The following TSNARE1 variants were observed in gnomAD, a reference collection of about 807,000 sequenced individuals.
TSNARE1 encodes the protein t-SNARE domain containing 1.
TSNARE1 carries 49 observed loss-of-function variants against 62.0 expected under a neutral mutation model. The ratio of observed to expected loss-of-function variants is 0.79; its 90% CI spans 0.63 to 1.00. The LOEUF is 1.00. Ranked by LOEUF, TSNARE1 falls within the 50% of genes least tolerant of loss-of-function variation. TSNARE1 has a pLI of 0.00. For synonymous variants in TSNARE1, 328 were observed against 294.4 expected, an observed-to-expected ratio of 1.11 and a Z score of -1.17; for missense variants, 755 against 700.1, an observed-to-expected ratio of 1.08 and a Z score of -0.88.
chr8:142,318,730 G>A lies in TSNARE1; in HGVS notation c.894-96C>T, dbSNP rs150344204. On this transcript the variant is annotated intron_variant, in intron 6 of 13. Coordinates refer to ENST00000524325, the MANE Select transcript of TSNARE1 (RefSeq NM_145003.5). ...CGGAGCAAGCAGGGACGCACGGGCC[G>A]AGTGGGGGAGACAGAGACAGATGGA... The A allele has an allele frequency of 7.6e-3, 8,455 of 1,106,470 alleles. 283 individuals carry two copies. Among genetic ancestry groups the A allele is most frequent in the South Asian group, 0.066 (5,117 of 77,982 alleles). The allele number at this position is 1,106,470 out of a possible 1,614,324, so 68.5% of individuals were successfully genotyped here.
chr8:142,331,049 G>A lies in TSNARE1; in HGVS notation c.824-79C>T. On this transcript the variant is annotated intron_variant, in intron 5 of 13. Coordinates refer to ENST00000524325, the MANE Select transcript of TSNARE1 (RefSeq NM_145003.5). The stretch of plus-strand genomic sequence containing the variant: ...GCTACTCCATATGGGTGGCCCCACT[G>A]CAGCCCGGGCAGGGTGAGCAGAGCC... The A allele has an allele frequency of 5.3e-6, 7 of 1,314,574 alleles. No individual in the cohort carries two copies. The South Asian group carries it at 8.5e-5, about 16-fold the overall frequency. 81.4% of individuals were successfully genotyped at this position (1,314,574 alleles called of 1,614,324 possible). A position where few individuals can be genotyped will look rare whatever the true frequency, so the allele number is the denominator to read the frequency against.
chr8:142,324,924 G>A lies in TSNARE1; in HGVS notation c.893+5977C>T, dbSNP rs577883668. ...CTCGGCTGAGGGGGCTGTGGGAAGA[G>A]CCTGTGGCTGGGCTGGTTTGATTTC... On this transcript the variant is annotated intron_variant, in intron 6 of 13. Coordinates refer to ENST00000524325, the MANE Select transcript of TSNARE1 (RefSeq NM_145003.5). Among the ~76,000 whole-genome samples the A allele has an allele frequency of 1.0e-3, 159 of 152,372 alleles. 4 individuals are homozygous for A. The highest frequency in any genetic ancestry group is 0.01 in the Admixed American group (154 of 15,308).
chr8:142,224,555 TCA>T (rs778300494), intron 13 of TSNARE1, among the ~76,000 whole-genome samples: 11 of 152,324 alleles, frequency 7.2e-5, no homozygotes, highest in South Asian at 4.1e-4. Context: ...CCGTGGAGAC[TCA>T]CAGCACTTGC....
At chr8:142,234,425 C>T (rs1170364720) in intron 12 of TSNARE1, among the ~76,000 whole-genome samples, 1 of 151,878 alleles carries the variant, frequency 6.6e-6, no homozygotes, top group East Asian at 1.9e-4. Flanking sequence ...TGACCACAAC[C>T]ACGGGTTCAG....
intron 1 of TSNARE1, among the ~76,000 whole-genome samples, chr8:142,381,536 G>A (rs1230960446): frequency 6.6e-6 from 1 of 152,192 alleles, no homozygotes; most frequent in Non-Finnish European, 1.5e-5. Context: ...GCACAGGCAG[G>A]AGTGTGTCTT....
At chr8:142,231,296 C>T (rs1243713635) in intron 12 of TSNARE1, among the ~76,000 whole-genome samples, 1 of 152,208 alleles carries the variant, frequency 6.6e-6, no homozygotes, top group Non-Finnish European at 1.5e-5. Flanking sequence ...GGTAAAGAGA[C>T]CTTCCCAGGC....
chr8:142,220,132 G>A (rs1192603230), intron 13 of TSNARE1, among the ~76,000 whole-genome samples: 1 of 152,246 alleles, frequency 6.6e-6, no homozygotes, highest in African/African-American at 2.4e-5. Flanking sequence ...CGCAAGAGTA[G>A]TAGAGACGGG....
At chr8:142,284,390 C>A in intron 11 of TSNARE1, 23 bp downstream of exon 11, 1 of 1,607,736 alleles carries the variant, frequency 6.2e-7, no homozygotes, top group Non-Finnish European at 8.5e-7. Flanking sequence ...AGCAGGTGGC[C>A]CGAGGCTGGG....
intron 1 of TSNARE1, among the ~76,000 whole-genome samples, chr8:142,357,412 G>A (rs989145978): frequency 2.0e-5 from 3 of 152,306 alleles, no homozygotes; most frequent in South Asian, 2.1e-4. Context: ...ATGGTGGGGC[G>A]CTGGTGGGGC....
chr8:142,246,756 T>C (rs904934777), intron 12 of TSNARE1, among the ~76,000 whole-genome samples: 3 of 152,224 alleles, frequency 2.0e-5, no homozygotes, highest in Non-Finnish European at 4.4e-5. Context: ...CCGCAGAGGC[T>C]GGCCTGAGCC....
intron 4 of TSNARE1, among the ~76,000 whole-genome samples, chr8:142,342,887 G>A (rs1344711847): frequency 6.7e-6 from 1 of 149,942 alleles, no homozygotes; most frequent in East Asian, 2.0e-4. Flanking sequence ...CCCAGCACCT[G>A]CCCGGGCCCA....
At chr8:142,311,820 A>C (rs921575507) in intron 9 of TSNARE1, among the ~76,000 whole-genome samples, 2 of 151,878 alleles carry the variant, frequency 1.3e-5, no homozygotes, top group African/African-American at 2.4e-5. Context: ...CAGCCTTCTA[A>C]TTCACCAATC....
At chr8:142,332,763 C>T (rs1342299822) in intron 4 of TSNARE1, among the ~76,000 whole-genome samples, 1 of 152,116 alleles carries the variant, frequency 6.6e-6, no homozygotes, top group African/African-American at 2.4e-5. Flanking sequence ...GAGCAGAGCA[C>T]ACATCAAAGC....
chr8:142,283,584 G>C (rs1223998659), intron 11 of TSNARE1, among the ~76,000 whole-genome samples: 1 of 133,266 alleles, frequency 7.5e-6, no homozygotes, highest in East Asian at 2.4e-4. Flanking sequence ...CTGTCAATGA[G>C]CAGAGGCGGG....
intron 12 of TSNARE1, among the ~76,000 whole-genome samples, chr8:142,259,431 C>T (rs973598040): frequency 2.6e-5 from 4 of 152,126 alleles, no homozygotes; most frequent in Non-Finnish European, 4.4e-5. Flanking sequence ...ACCCTCCCTG[C>T]CCCCCATACC....
chr8:142,397,821 G>A (rs576894294), intron 1 of TSNARE1, among the ~76,000 whole-genome samples: 30 of 152,242 alleles, frequency 2.0e-4, no homozygotes, highest in East Asian at 1.2e-3. Flanking sequence ...GGCCCACAGC[G>A]CAGCCACCAC....
chr8:142,371,546 C>T (rs1252886701), intron 1 of TSNARE1, among the ~76,000 whole-genome samples: 5 of 152,136 alleles, frequency 3.3e-5, no homozygotes, highest in African/African-American at 1.2e-4. Flanking sequence ...ACAAAAACAA[C>T]CAGACAACAC....
At chr8:142,251,340 C>A (rs886761870) in intron 12 of TSNARE1, among the ~76,000 whole-genome samples, 2 of 135,102 alleles carry the variant, frequency 1.5e-5, no homozygotes, top group Non-Finnish European at 3.2e-5. Flanking sequence ...CCCCTCCCCC[C>A]ACAAAAGCCA....
intron 6 of TSNARE1, among the ~76,000 whole-genome samples, chr8:142,328,822 G>T (rs1042559503): frequency 4.0e-5 from 5 of 125,938 alleles, no homozygotes; most frequent in East Asian, 5.0e-4. Flanking sequence ...GGCCTTTGGG[G>T]GGGGGGAGGG....
Sources: gnomAD v4.1 joint callset for allele counts (sites outside exome capture counted in the v4.1 genomes callset) on GRCh38, gnomAD v4.1.1 for gene constraint, MANE v1.5 for transcripts, NCBI Gene and HGNC (gene_info 2026-07-23, HGNC 2026-07-21) for gene names.